ZCCHC10: variants seen among roughly 807,000 people sequenced by gnomAD.
ZCCHC10 encodes zinc finger CCHC domain-containing protein 10.
ZCCHC10 carries 16 observed loss-of-function variants against 19.5 expected under a neutral mutation model. The observed-to-expected ratio is 0.82, with a 90% CI of 0.56 to 1.25. The LOEUF is 1.25. Among genes scored for constraint, ZCCHC10 ranks in the 50% most tolerant of loss-of-function variants. ZCCHC10 has a pLI of 0.00. For synonymous variants in ZCCHC10, 67 were observed against 72.5 expected, an observed-to-expected ratio of 0.92 and a Z score of 0.38; for missense variants, 197 against 201.0, an observed-to-expected ratio of 0.98 and a Z score of 0.12.
chr5:133,005,396 A>G (rs1423514887), intron 3 of ZCCHC10, among the ~76,000 whole-genome samples: 1 of 152,006 alleles, frequency 6.6e-6, no homozygotes, highest in Non-Finnish European at 1.5e-5. Context: ...GTGGATTGCT[A>G]GAGCTCAGGA....
chr5:133,024,958 A>C (rs10057553), intron 1 of ZCCHC10, among the ~76,000 whole-genome samples: 3,340 of 152,192 alleles, frequency 0.022, 87 homozygotes, highest in Non-Finnish European at 0.03. Context: ...CACCAAGCTT[A>C]CTACTCTAAC....
intron 2 of ZCCHC10, among the ~76,000 whole-genome samples, chr5:133,012,920 G>A (rs1368243139): frequency 2.0e-5 from 3 of 151,664 alleles, no homozygotes; most frequent in East Asian, 1.9e-4. Flanking sequence ...GCGCAGTGGC[G>A]GGTGCCTGTA....
At chr5:133,004,933 A>C (rs1159294176) in intron 3 of ZCCHC10, among the ~76,000 whole-genome samples, 1 of 152,198 alleles carries the variant, frequency 6.6e-6, no homozygotes, top group African/African-American at 2.4e-5. Context: ...ATAATATTCC[A>C]TTAAAATATG....
intron 3 of ZCCHC10, among the ~76,000 whole-genome samples, chr5:133,003,947 T>G (rs1354132151): frequency 2.0e-5 from 3 of 151,968 alleles, no homozygotes; most frequent in African/African-American, 7.3e-5. Context: ...TGACCTCGAG[T>G]GATCCACCCA....
At chr5:133,025,503 CAAAAAAAAAAAAAAAAA>C (rs74843776) in intron 1 of ZCCHC10, among the ~76,000 whole-genome samples, 1 of 18,658 alleles carries the variant, frequency 5.4e-5, no homozygotes, top group East Asian at 2.4e-3. Flanking sequence ...GACTCCGCCT[CAAAAAAAAAAAAAAAAA>C]AAAAAAAAAA....
chr5:133,018,947 G>A (rs1004057429), intron 2 of ZCCHC10: 11 of 347,702 alleles, frequency 3.2e-5, no homozygotes, highest in African/African-American at 6.9e-5. Context: ...GGGGTCCATA[G>A]TCTTCTTTTC....
intron 2 of ZCCHC10, among the ~76,000 whole-genome samples, chr5:133,008,537 CAA>C (rs567424776): frequency 1.5e-4 from 15 of 98,416 alleles, no homozygotes; most frequent in Admixed American, 2.3e-4. Flanking sequence ...GACTCCATCT[CAA>C]AAAAAAAAAA....
rs776597062 is a variant in ZCCHC10, at chr5:133,006,929, C to CA, written c.108-10dup. The CA allele has an allele frequency of 4.4e-6, 7 of 1,584,128 alleles. No homozygotes were observed. The highest frequency in any genetic ancestry group is 2.2e-5 in the East Asian group (1 of 44,464). On this transcript the variant is annotated splice_polypyrimidine_tract_variant and intron_variant, in intron 2 of 4. Transcript: ENST00000509437. ...GTTGCTTATTTGCTTCACTACAGAA[C>CA]AAAAAACAGAATACAAGCCTTAAAA...
chr5:133,026,114 T>C (rs938715006), intron 1 of ZCCHC10, among the ~76,000 whole-genome samples: 1 of 152,118 alleles, frequency 6.6e-6, no homozygotes, highest in Non-Finnish European at 1.5e-5. Context: ...GGACACTGAA[T>C]AGGAAACTGA....
chr5:133,016,447 T>C (rs1763925603), intron 2 of ZCCHC10, among the ~76,000 whole-genome samples: 1 of 150,812 alleles, frequency 6.6e-6, no homozygotes, highest in Non-Finnish European at 1.5e-5. Flanking sequence ...ATTTTTCTCT[T>C]TTTTTTTTAT....
rs566600699 is a variant in ZCCHC10 at position 133,008,711 on chromosome 5, A to G, written c.108-1791T>C. 3.3e-5 allele frequency among the ~76,000 whole-genome samples: 5 copies of G among 151,622 alleles called. No homozygotes were observed. In the South Asian group the frequency reaches 1.0e-3, roughly 32 times the overall value. Reference sequence around the variant, plus strand: ...CAGCAAGACTCAATCTCTACAACAAATTTTGAAAAATTAGCCAGGGCCAGG... The same window carrying G: ...CAGCAAGACTCAATCTCTACAACAAGTTTTGAAAAATTAGCCAGGGCCAGG... On this transcript the variant is annotated intron_variant, in intron 2 of 4. Transcript: ENST00000509437.
chr5:133,012,579 C>T (rs1763627892), intron 2 of ZCCHC10, among the ~76,000 whole-genome samples: 1 of 150,456 alleles, frequency 6.6e-6, no homozygotes, highest in Non-Finnish European at 1.5e-5. Flanking sequence ...AGATGGATAA[C>T]AGAAAAATAA....
chr5:133,017,761 A>G (rs1764018125), intron 2 of ZCCHC10, among the ~76,000 whole-genome samples: 1 of 152,214 alleles, frequency 6.6e-6, no homozygotes, highest in Admixed American at 6.6e-5. Context: ...TCATGGTAAT[A>G]ACAAAGAATA....
At chr5:133,012,236 G>C (rs975834252) in intron 2 of ZCCHC10, among the ~76,000 whole-genome samples, 4 of 151,868 alleles carry the variant, frequency 2.6e-5, no homozygotes, top group Non-Finnish European at 5.9e-5. Flanking sequence ...GGAAGGTTGA[G>C]GCAGGCGAAT....
chr5:133,009,613 CA>C (rs59555378), intron 2 of ZCCHC10, among the ~76,000 whole-genome samples: 175 of 55,538 alleles, frequency 3.2e-3, no homozygotes, highest in South Asian at 5.2e-3. Context: ...GACTCCGTCT[CA>C]AAAAAAAAAA....
intron 3 of ZCCHC10, among the ~76,000 whole-genome samples, chr5:133,001,808 A>G (rs1280239650): frequency 6.6e-6 from 1 of 151,990 alleles, no homozygotes; most frequent in Non-Finnish European, 1.5e-5. Flanking sequence ...TGCTTCCATC[A>G]TTGTTTCCTG....
At chr5:133,017,550 T>C (rs567826258) in intron 2 of ZCCHC10, among the ~76,000 whole-genome samples, 1 of 152,140 alleles carries the variant, frequency 6.6e-6, no homozygotes, top group Non-Finnish European at 1.5e-5. Flanking sequence ...TTTTAGTTTT[T>C]GTAAAGATAG....
chr5:132,997,317 T>C lies in ZCCHC10; in HGVS notation c.*1266A>G, dbSNP rs144073850. ...GTTTTCTTCAAAAGTAATTTTCTACTGCTTTTTCATAAAAATATAAAAAAG... is the reference window on the plus strand; with the variant it reads ...GTTTTCTTCAAAAGTAATTTTCTACCGCTTTTTCATAAAAATATAAAAAAG... On this transcript the variant is annotated 3_prime_UTR_variant, in exon 5 of 5. Coordinates refer to ENST00000509437, the MANE Select transcript of ZCCHC10 (RefSeq NM_001300816.3). 1 of 152,222 alleles carries C rather than the reference T, an allele frequency of 6.6e-6. No homozygotes were observed. Among genetic ancestry groups the C allele is most frequent in the Admixed American group, 6.5e-5 (1 of 15,274 alleles). 9.4% of individuals were successfully genotyped at this position (152,222 alleles called of 1,614,324 possible).
intron 3 of ZCCHC10, among the ~76,000 whole-genome samples, chr5:133,000,706 G>A (rs1235866787): frequency 1.3e-5 from 2 of 148,972 alleles, no homozygotes; most frequent in Middle Eastern, 3.4e-3. Flanking sequence ...GCAGTGGCGC[G>A]ATCTTGGCTC....
Sources: allele counts gnomAD v4.1 joint callset (sites outside exome capture counted in the v4.1 genomes callset), GRCh38; gene constraint gnomAD v4.1.1; transcripts MANE v1.5; gene names NCBI Gene and HGNC (gene_info 2026-07-23, HGNC 2026-07-21).